The following CIB1 variants were observed in gnomAD, a reference collection of about 807,000 sequenced individuals.
CIB1 encodes the protein calcium and integrin-binding protein 1.
A neutral mutation model predicts 25.0 loss-of-function variants in CIB1; 19 were observed. That is an observed-to-expected ratio of 0.76 (90% CI 0.53 to 1.12). CIB1 has a LOEUF of 1.12. Ranked by LOEUF, CIB1 falls within the 50% of genes most tolerant of loss-of-function variation. CIB1 has a pLI of 0.00. For synonymous variants in CIB1, 104 were observed against 98.5 expected, an observed-to-expected ratio of 1.06 and a Z score of -0.33; for missense variants, 236 against 242.6, an observed-to-expected ratio of 0.97 and a Z score of 0.18.
chr15:90,250,684 A>G, the CIB1 span: 1 of 1,614,150 alleles, frequency 6.2e-7, no homozygotes, highest in Non-Finnish European at 8.5e-7. Flanking sequence ...ATGTTGAGGA[A>G]AAGGAATCTG....
At chr15:90,239,564 G>T in the CIB1 span, among the ~76,000 whole-genome samples, 3,676 of 152,164 alleles carry the variant, frequency 0.024, 141 homozygotes, top group African/African-American at 0.08. Context: ...TCAGATCTCA[G>T]GAGAACTCAC....
the CIB1 span, chr15:90,256,431 AT>A: frequency 2.7e-6 from 3 of 1,124,178 alleles, no homozygotes; most frequent in Non-Finnish European, 3.8e-6. Flanking sequence ...TGGAGGCAGT[AT>A]CCAGCCATGG....
chr15:90,262,589 G>A, the CIB1 span: 2 of 1,534,578 alleles, frequency 1.3e-6, no homozygotes, highest in Non-Finnish European at 1.7e-6. Flanking sequence ...TGAATCAGCT[G>A]GGGAGAAAAG....
upstream of CIB1, chr15:90,234,115 G>A: frequency 2.8e-6 from 1 of 354,212 alleles, no homozygotes; most frequent in Non-Finnish European, 5.0e-6. Context: ...CCGGGGAGGG[G>A]CCCGACGCTC....
At chr15:90,236,011 A>T (rs1962629813), upstream of CIB1, 1 of 152,214 alleles carries the variant, frequency 6.6e-6, no homozygotes, top group South Asian at 2.1e-4. Flanking sequence ...AGCCAAGGCG[A>T]ATACCTGGAC....
chr15:90,260,850 C>CAAAAAA, the CIB1 span, among the ~76,000 whole-genome samples: 1 of 60,228 alleles, frequency 1.7e-5, no homozygotes, highest in African/African-American at 5.2e-5. Flanking sequence ...GACTCTGTCT[C>CAAAAAA]AAAAAAAAAA....
At chr15:90,264,047 G>A in the CIB1 span, 16 of 1,534,342 alleles carry the variant, frequency 1.0e-5, no homozygotes, top group Non-Finnish European at 1.4e-5. Flanking sequence ...GCCAGAATCA[G>A]GCTCACTAGC....
chr15:90,258,975 G>A, the CIB1 span: 2 of 1,613,178 alleles, frequency 1.2e-6, no homozygotes, highest in East Asian at 4.5e-5. Context: ...ATTCCTGAGA[G>A]TAAAAGTCCT....
At chr15:90,261,966 C>A in the CIB1 span, 1 of 1,472,924 alleles carries the variant, frequency 6.8e-7, no homozygotes, top group South Asian at 1.3e-5. Context: ...TGAACATTCC[C>A]ACAGCCCTAC....
the CIB1 span, chr15:90,241,018 T>C: frequency 0.68 from 1,094,578 of 1,613,682 alleles, 375,460 homozygotes; most frequent in African/African-American, 0.94. Context: ...AAGGATCTCA[T>C]GGCAGAAGGG....
the CIB1 span, chr15:90,240,997 T>C: frequency 6.2e-7 from 1 of 1,613,996 alleles, no homozygotes; most frequent in Non-Finnish European, 8.5e-7. Context: ...CCTGACTTTG[T>C]TTATGGGCAG....
the CIB1 span, chr15:90,253,162 G>A: frequency 9.6e-7 from 1 of 1,043,650 alleles, no homozygotes; most frequent in East Asian, 2.4e-5. Flanking sequence ...CTCGGGTCAG[G>A]TGTATACCTT....
At chr15:90,256,520 C>G in the CIB1 span, among the ~76,000 whole-genome samples, 6 of 152,296 alleles carry the variant, frequency 3.9e-5, no homozygotes, top group East Asian at 1.2e-3. Flanking sequence ...TTCTTACCCT[C>G]TCTCTGTGCC....
chr15:90,247,943 G>A, the CIB1 span, among the ~76,000 whole-genome samples: 1 of 151,742 alleles, frequency 6.6e-6, no homozygotes, highest in Non-Finnish European at 1.5e-5. Context: ...GGGTTTCACC[G>A]TGTTAGCCAG....
chr15:90,238,977 C>T (rs1282094753), upstream of CIB1, among the ~76,000 whole-genome samples: 1 of 152,160 alleles, frequency 6.6e-6, no homozygotes, highest in Non-Finnish European at 1.5e-5. Flanking sequence ...TGGACCTACT[C>T]TGACCCAGTG....
the CIB1 span, chr15:90,241,341 C>T: frequency 2.5e-6 from 4 of 1,614,212 alleles, no homozygotes; most frequent in Admixed American, 1.7e-5. Context: ...GCCTGATCTC[C>T]CTGGGACTCT....
the CIB1 span, among the ~76,000 whole-genome samples, chr15:90,248,718 CAAAAAAAAAAAAAAAAAAAAA>C: frequency 8.3e-4 from 23 of 27,790 alleles, no homozygotes; most frequent in East Asian, 5.3e-3. Context: ...GACCCTGTCT[CAAAAAAAAAAAAAAAAAAAAA>C]AAAAAAAAAA....
the CIB1 span, chr15:90,241,687 G>A: frequency 3.4e-4 from 554 of 1,614,100 alleles, 1 homozygote; most frequent in Non-Finnish European, 4.3e-4. Flanking sequence ...TTTTACACTC[G>A]TGGGCCAGGG....
At chr15:90,260,793 G>C in the CIB1 span, among the ~76,000 whole-genome samples, 1 of 149,766 alleles carries the variant, frequency 6.7e-6, no homozygotes, top group Non-Finnish European at 1.5e-5. Flanking sequence ...GGAGGTTGCA[G>C]TGAGCTGAGA....
Sources: gnomAD v4.1 joint callset for allele counts (sites outside exome capture counted in the v4.1 genomes callset) on GRCh38, gnomAD v4.1.1 for gene constraint, MANE v1.5 for transcripts, NCBI Gene and HGNC (gene_info 2026-07-23, HGNC 2026-07-21) for gene names.